Variants in MAGI2 observed in about 807,000 individuals in gnomAD.
The protein encoded by MAGI2 is membrane-associated guanylate kinase, WW and PDZ domain-containing protein 2.
A neutral mutation model predicts 133.3 loss-of-function variants in MAGI2; 35 were observed. The observed-to-expected ratio is 0.26, with a 90% CI of 0.20 to 0.35. The LOEUF (loss-of-function observed/expected upper bound fraction) is 0.35. MAGI2 is among the 10% of genes least tolerant of loss of function. The pLI, the probability that MAGI2 is intolerant of heterozygous loss-of-function variation, is 1.00. For synonymous variants in MAGI2, 729 were observed against 710.6 expected (o/e 1.03, Z -0.41); for missense variants, 1,636 against 1,863.4 (o/e 0.88, Z 2.25).
intron 13 of MAGI2, 63 bp downstream of exon 13, chr7:78,185,566 G>T: frequency 7.8e-7 from 1 of 1,287,156 alleles, no homozygotes; most frequent in Non-Finnish European, 1.1e-6. Flanking sequence ...TCAGAAGAAT[G>T]ATTTGTTACA....
At chr7:78,423,591 G>A (rs890590951) in intron 6 of MAGI2, among the ~76,000 whole-genome samples, 4 of 152,160 alleles carry the variant, frequency 2.6e-5, no homozygotes, top group African/African-American at 9.7e-5. Flanking sequence ...GAAAACGTGG[G>A]AAAGTTTGGA....
intron 2 of MAGI2, among the ~76,000 whole-genome samples, chr7:78,870,014 G>C (rs1048708564): frequency 1.3e-5 from 2 of 152,248 alleles, no homozygotes; most frequent in South Asian, 4.2e-4. Context: ...ATAGTTTGAA[G>C]TCAGGTAATG....
chr7:78,529,400 G>T (rs1198624884), intron 3 of MAGI2, among the ~76,000 whole-genome samples: 4 of 152,090 alleles, frequency 2.6e-5, no homozygotes, highest in East Asian at 1.9e-4. Flanking sequence ...TCCCACCTGC[G>T]CCAGATAGCA....
intron 21 of MAGI2, among the ~76,000 whole-genome samples, chr7:78,036,481 C>T (rs184333900): frequency 4.6e-5 from 7 of 152,238 alleles, no homozygotes; most frequent in African/African-American, 1.7e-4. Context: ...GCTGTGCATG[C>T]GTTCTGTCAT....
intron 2 of MAGI2, among the ~76,000 whole-genome samples, chr7:78,830,217 C>T (rs1584062552): frequency 6.6e-6 from 1 of 152,064 alleles, no homozygotes. Context: ...TTAATTCTTA[C>T]ATTGGGCAAC....
chr7:79,306,385 C>CTCT (rs374495776), intron 1 of MAGI2, among the ~76,000 whole-genome samples: 128 of 150,198 alleles, frequency 8.5e-4, no homozygotes, highest in African/African-American at 3.0e-3. Flanking sequence ...TCATCTCAAA[C>CTCT]TCTTCGGCTT....
intron 3 of MAGI2, among the ~76,000 whole-genome samples, chr7:78,572,057 A>G (rs1801551962): frequency 6.6e-6 from 1 of 152,208 alleles, no homozygotes; most frequent in South Asian, 2.1e-4. Flanking sequence ...ATTATAACAA[A>G]TGGTTTCTAA....
chr7:79,095,056 T>C (rs968915852), intron 1 of MAGI2, among the ~76,000 whole-genome samples: 1 of 152,190 alleles, frequency 6.6e-6, no homozygotes, highest in Non-Finnish European at 1.5e-5. Context: ...AGGAAAGTCC[T>C]AGACGGCATC....
chr7:78,039,931 C>T (rs1810624767), intron 21 of MAGI2, among the ~76,000 whole-genome samples: 2 of 152,186 alleles, frequency 1.3e-5, no homozygotes, highest in South Asian at 4.1e-4. Context: ...CCAGGCGGAT[C>T]TCTGCAGTTT....
intron 1 of MAGI2, among the ~76,000 whole-genome samples, chr7:79,292,872 CTTAA>C (rs1471355851): frequency 6.9e-6 from 1 of 145,022 alleles, no homozygotes; most frequent in Non-Finnish European, 1.5e-5. Flanking sequence ...ATATTCCCAT[CTTAA>C]TTAAGTCTTC....
At chr7:79,219,145 C>T (rs529585817) in intron 1 of MAGI2, among the ~76,000 whole-genome samples, 2 of 152,102 alleles carry the variant, frequency 1.3e-5, no homozygotes, top group South Asian at 4.1e-4. Context: ...AGAACACTGA[C>T]TGGTATACTA....
At chr7:78,466,134 A>T (rs1389738318) in intron 6 of MAGI2, among the ~76,000 whole-genome samples, 1 of 152,104 alleles carries the variant, frequency 6.6e-6, no homozygotes, top group Non-Finnish European at 1.5e-5. Context: ...CTCAATTTGC[A>T]TGAAATTCCA....
intron 3 of MAGI2, among the ~76,000 whole-genome samples, chr7:78,622,047 C>T (rs1353720855): frequency 6.6e-6 from 1 of 151,958 alleles, no homozygotes. Flanking sequence ...CTCTCTTGAT[C>T]TTTGTGAATA....
At chr7:78,351,040 T>A (rs908776274) in intron 7 of MAGI2, among the ~76,000 whole-genome samples, 12 of 152,172 alleles carry the variant, frequency 7.9e-5, no homozygotes, top group Admixed American at 7.2e-4. Context: ...AGCTTTTAAG[T>A]GGAGACTGTG....
intron 1 of MAGI2, among the ~76,000 whole-genome samples, chr7:79,312,635 C>G (rs1186379949): frequency 6.6e-6 from 1 of 152,182 alleles, no homozygotes; most frequent in Non-Finnish European, 1.5e-5. Context: ...CTCTCTCTCT[C>G]TCTCAAAATA....
In MAGI2 at chr7:78,292,029, G is replaced by C. The variant is rs1796765532; in HGVS notation, c.1409-35448C>G. On this transcript the variant is annotated intron_variant, in intron 9 of 21. Coordinates refer to ENST00000354212, the MANE Select transcript of MAGI2 (RefSeq NM_012301.4). ...TCCCTTTGAAAACTGGCACAAGACA[G>C]GGATGCCCTCTCTCACCACTCCTAT... 2.6e-5 allele frequency among the ~76,000 whole-genome samples: 4 copies of C among 152,100 alleles called. No individual in the cohort carries two copies. The South Asian group carries it at 8.3e-4, about 31-fold the overall frequency.
intron 2 of MAGI2, among the ~76,000 whole-genome samples, chr7:78,720,362 C>G (rs1820144293): frequency 6.6e-6 from 1 of 152,032 alleles, no homozygotes; most frequent in Non-Finnish European, 1.5e-5. Flanking sequence ...GAGATTCAAA[C>G]TATTAGGGAT....
intron 21 of MAGI2, among the ~76,000 whole-genome samples, chr7:78,077,418 A>G (rs1333434860): frequency 6.8e-6 from 1 of 146,654 alleles, no homozygotes. Context: ...ATATATATAT[A>G]TTTAAAAATA....
intron 15 of MAGI2, 56 bp downstream of exon 15, chr7:78,167,860 A>G (rs1230043669): frequency 6.5e-7 from 1 of 1,541,566 alleles, no homozygotes; most frequent in East Asian, 2.3e-5. Flanking sequence ...ACCATGTCTC[A>G]CAAAAGCATC....
Sources: gnomAD v4.1 joint callset for allele counts (sites outside exome capture counted in the v4.1 genomes callset) on GRCh38, gnomAD v4.1.1 for gene constraint, MANE v1.5 for transcripts, NCBI Gene and HGNC (gene_info 2026-07-23, HGNC 2026-07-21) for gene names.